Variants in MPPED2 observed in about 807,000 individuals in gnomAD.
The protein encoded by MPPED2 is metallophosphoesterase MPPED2.
In MPPED2, 5 loss-of-function variants were observed where a neutral mutation model predicts 33.0. That is an observed-to-expected ratio of 0.15 (90% confidence interval 0.08 to 0.32). The LOEUF (loss-of-function observed/expected upper bound fraction) is 0.32. MPPED2 is among the 10% of genes least tolerant of loss of function. The pLI is 1.00. For missense variants in MPPED2, 275 were observed against 372.1 expected (o/e 0.74, Z 2.15); for synonymous variants, 136 against 141.9 (o/e 0.96, Z 0.29).
At chr11:30,548,200 C>T (rs1377446397) in intron 2 of MPPED2, among the ~76,000 whole-genome samples, 1 of 137,122 alleles carries the variant, frequency 7.3e-6, no homozygotes, top group Non-Finnish European at 1.5e-5. Flanking sequence ...ACTATCAACA[C>T]AAAAATTAAG....
intron 4 of MPPED2, among the ~76,000 whole-genome samples, chr11:30,461,421 A>G (rs773467537): frequency 1.1e-4 from 17 of 152,142 alleles, no homozygotes; most frequent in Non-Finnish European, 2.4e-4. Flanking sequence ...ATATATTAGG[A>G]AAAGGGTGAC....
intron 2 of MPPED2, among the ~76,000 whole-genome samples, chr11:30,542,928 A>T (rs1955206851): frequency 6.6e-6 from 1 of 152,220 alleles, no homozygotes; most frequent in African/African-American, 2.4e-5. Context: ...CTGGCAAATC[A>T]GTCACCTAAC....
chr11:30,432,123 C>T (rs913689108), intron 4 of MPPED2, among the ~76,000 whole-genome samples: 40 of 151,206 alleles, frequency 2.6e-4, no homozygotes, highest in African/African-American at 9.7e-4. Context: ...GAGCCGAGAT[C>T]GCGCCACTGC....
At chr11:30,508,546 T>C (rs1389341500) in intron 3 of MPPED2, among the ~76,000 whole-genome samples, 3 of 152,298 alleles carry the variant, frequency 2.0e-5, no homozygotes, top group South Asian at 2.1e-4. Context: ...TTAAACCACA[T>C]AGTCTGTGTT....
At chr11:30,525,397 A>G (rs1954110026) in intron 3 of MPPED2, among the ~76,000 whole-genome samples, 1 of 152,190 alleles carries the variant, frequency 6.6e-6, no homozygotes, top group African/African-American at 2.4e-5. Flanking sequence ...TTTGTTTTCA[A>G]AGAGCCGCTT....
At chr11:30,501,481 GCACAATGTATTCC>G (rs945702123) in intron 3 of MPPED2, 2 of 210,420 alleles carry the variant, frequency 9.5e-6, no homozygotes, top group African/African-American at 4.7e-5. Context: ...TCCTAACCTC[GCACAATGTATTCC>G]CTTAACACAC....
intron 2 of MPPED2, among the ~76,000 whole-genome samples, chr11:30,559,410 T>G (rs2134701626): frequency 6.6e-6 from 1 of 152,326 alleles, no homozygotes; most frequent in Non-Finnish European, 1.5e-5. Flanking sequence ...AAAATGATCT[T>G]TAAAACCATA....
chr11:30,555,689 T>C (rs1001729993), intron 2 of MPPED2, among the ~76,000 whole-genome samples: 12 of 152,222 alleles, frequency 7.9e-5, no homozygotes, highest in African/African-American at 2.7e-4. Flanking sequence ...CCTTCTGTCA[T>C]GATTGTGAGG....
chr11:30,520,917 C>T (rs920503726), intron 3 of MPPED2, among the ~76,000 whole-genome samples: 4 of 152,022 alleles, frequency 2.6e-5, no homozygotes, highest in African/African-American at 9.7e-5. Flanking sequence ...CCAGGGGACT[C>T]CTCTTTACAC....
rs140607289 is a variant in MPPED2 at position 30,404,784 on chromosome 11, T to C, written c.766+9444A>G. Among the ~76,000 whole-genome samples, 61 of 152,372 alleles carry C rather than the reference T, an allele frequency of 4.0e-4. No individual in the cohort carries two copies. In the East Asian group the frequency reaches 0.012, roughly 29 times the overall value. ...AATACTGGGTCTTACAAATGAAGCT[T>C]ACTAGCACAGCACCTGGCTTATGGT... On this transcript the variant is annotated intron_variant, in intron 6 of 6. Transcript: ENST00000448418.
At chr11:30,386,426 T>C in exon 7 of MPPED2, 1 of 244,642 alleles carries the variant, frequency 4.1e-6, no homozygotes, top group Non-Finnish European at 7.8e-6. Context: ...AATTCCAGTC[T>C]TGGCTCAAGG....
At chr11:30,535,914 T>C (rs1340540461) in intron 3 of MPPED2, 80 bp downstream of exon 3, 2 of 1,266,628 alleles carry the variant, frequency 1.6e-6, no homozygotes, top group African/African-American at 3.0e-5. Context: ...TTCCAAGTGC[T>C]CTAATTCAAT....
At chr11:30,449,470 A>G (rs115096877) in intron 4 of MPPED2, among the ~76,000 whole-genome samples, 1,681 of 151,906 alleles carry the variant, frequency 0.011, 32 homozygotes, top group African/African-American at 0.039. Flanking sequence ...CTGAGACAAC[A>G]TGGCAAAACC....
intron 3 of MPPED2, among the ~76,000 whole-genome samples, chr11:30,515,872 C>G (rs1166981478): frequency 6.6e-6 from 1 of 152,118 alleles, no homozygotes; most frequent in African/African-American, 2.4e-5. Context: ...ATTTCAGGAA[C>G]TTAGTATTGG....
intron 3 of MPPED2, among the ~76,000 whole-genome samples, chr11:30,527,226 G>C (rs1237187260): frequency 1.3e-5 from 2 of 151,942 alleles, no homozygotes; most frequent in Non-Finnish European, 2.9e-5. Flanking sequence ...CACCGCGCCC[G>C]GCCTCTATTT....
At chr11:30,538,090 T>C (rs1017685025) in intron 2 of MPPED2, among the ~76,000 whole-genome samples, 2 of 152,206 alleles carry the variant, frequency 1.3e-5, no homozygotes. Flanking sequence ...AAATGCTCAC[T>C]AGAATAGGAC....
intron 4 of MPPED2, among the ~76,000 whole-genome samples, chr11:30,453,613 C>T (rs1950157225): frequency 6.6e-6 from 1 of 152,192 alleles, no homozygotes; most frequent in Non-Finnish European, 1.5e-5. Flanking sequence ...GGGGAAATAA[C>T]TGATTTTTCC....
intron 3 of MPPED2, among the ~76,000 whole-genome samples, chr11:30,518,067 T>C (rs749650321): frequency 6.6e-6 from 1 of 152,160 alleles, no homozygotes; most frequent in Non-Finnish European, 1.5e-5. Context: ...AAATCAAACA[T>C]TAGATCTGAG....
At chr11:30,558,247 T>G (rs1956077310) in intron 2 of MPPED2, among the ~76,000 whole-genome samples, 1 of 152,166 alleles carries the variant, frequency 6.6e-6, no homozygotes, top group Non-Finnish European at 1.5e-5. Context: ...TAGTCACACT[T>G]CAAACCCAAT....
Sources: gnomAD v4.1 joint callset for allele counts (sites outside exome capture counted in the v4.1 genomes callset) on GRCh38, gnomAD v4.1.1 for gene constraint, MANE v1.5 for transcripts, NCBI Gene and HGNC (gene_info 2026-07-23, HGNC 2026-07-21) for gene names.